DUSP22: variants seen among roughly 807,000 people sequenced by gnomAD.
The protein encoded by DUSP22 is dual specificity phosphatase 22, also known as dual specificity protein phosphatase 22.
DUSP22 carries 24 observed loss-of-function variants against 24.5 expected under a neutral mutation model. That is an observed-to-expected ratio of 0.98 (90% CI 0.71 to 1.38). The LOEUF is 1.38. Among genes scored for constraint, DUSP22 ranks in the 40% most tolerant of loss-of-function variants. The pLI is 0.00. For synonymous variants in DUSP22, 160 were observed against 106.4 expected, an observed-to-expected ratio of 1.50 and a Z score of -3.10; for missense variants, 330 against 269.2, an observed-to-expected ratio of 1.23 and a Z score of -1.58.
At chr6:345,047 T>A (rs1302794033) in intron 4 of DUSP22, among the ~76,000 whole-genome samples, 1 of 152,290 alleles carries the variant, frequency 6.6e-6, no homozygotes, top group Non-Finnish European at 1.5e-5. Context: ...AGGGATTTCT[T>A]ACAGAGAAAT....
intron 1 of DUSP22, among the ~76,000 whole-genome samples, chr6:292,887 GCTT>G (rs1367640092): frequency 6.6e-6 from 1 of 152,300 alleles, no homozygotes; most frequent in African/African-American, 2.4e-5. Flanking sequence ...AATGGATGTG[GCTT>G]CTTTTTTGCC....
intron 2 of DUSP22, among the ~76,000 whole-genome samples, chr6:310,918 C>T (rs143909732): frequency 6.6e-6 from 1 of 152,262 alleles, no homozygotes; most frequent in Non-Finnish European, 1.5e-5. Flanking sequence ...TAGATTAACA[C>T]TTTTGTTGCC....
chr6:329,688 G>A (rs996477250), intron 3 of DUSP22, among the ~76,000 whole-genome samples: 13 of 152,300 alleles, frequency 8.5e-5, no homozygotes, highest in South Asian at 6.2e-4. Context: ...TCCTGACCTC[G>A]TGGCTCACCT....
intron 3 of DUSP22, among the ~76,000 whole-genome samples, chr6:328,493 G>C (rs1758989669): frequency 6.6e-6 from 1 of 152,310 alleles, no homozygotes; most frequent in South Asian, 2.1e-4. Context: ...CCTGAAAGAA[G>C]TCACAGGTGT....
chr6:300,005 A>G (rs73717011), intron 1 of DUSP22, among the ~76,000 whole-genome samples: 317 of 152,286 alleles, frequency 2.1e-3, no homozygotes, highest in African/African-American at 7.0e-3. Context: ...GGGAGAACCA[A>G]TCGAGTTCAA....
At chr6:294,309 A>G (rs1407530593) in intron 1 of DUSP22, among the ~76,000 whole-genome samples, 11 of 152,280 alleles carry the variant, frequency 7.2e-5, no homozygotes, top group Admixed American at 5.2e-4. Flanking sequence ...TTCAACACTT[A>G]TTGATTATGT....
intron 3 of DUSP22, among the ~76,000 whole-genome samples, chr6:328,899 G>T (rs918352096): frequency 1.3e-5 from 2 of 152,288 alleles, no homozygotes; most frequent in Non-Finnish European, 2.9e-5. Context: ...ATAGGCATAC[G>T]TAAGTTTTTC....
In DUSP22 at chr6:304,284, G is replaced by A. The variant is rs557671567; in HGVS notation, c.22-344G>A. Among the ~76,000 whole-genome samples the A allele has an allele frequency of 1.6e-4, 25 of 152,414 alleles. No homozygotes were observed. In the South Asian group the frequency reaches 3.7e-3, roughly 23 times the overall value. On this transcript the variant is annotated intron_variant, in intron 1 of 6. Transcript: ENST00000419235. Reference sequence around the variant, plus strand: ...TGGGCACCGTGTGTGCAGTGGCCTCGTGCAGCAGAGTGCAGAGCTGCAGGG... The same window carrying A: ...TGGGCACCGTGTGTGCAGTGGCCTCATGCAGCAGAGTGCAGAGCTGCAGGG...
intron 3 of DUSP22, among the ~76,000 whole-genome samples, chr6:314,411 G>A (rs1486349864): frequency 6.6e-6 from 1 of 152,310 alleles, no homozygotes; most frequent in African/African-American, 2.4e-5. Flanking sequence ...CCCTGCTGCT[G>A]TGAAGCGACG....
At position 350,691 on chromosome 6, in the gene DUSP22, TA is replaced by T; in HGVS notation, c.*1742del. On this transcript the variant is annotated 3_prime_UTR_variant, in exon 7 of 7. Transcript: ENST00000419235. ...TTTCCTAAGCCAAAAATAAATACGT[TA>T]ACAGAAAAATGATTTAGGATATAGC... 1 of 1,577,338 alleles carries T rather than the reference TA, an allele frequency of 6.3e-7. No homozygotes were observed. Among genetic ancestry groups the T allele is most frequent in the Non-Finnish European group, 8.6e-7 (1 of 1,161,944 alleles).
intron 3 of DUSP22, among the ~76,000 whole-genome samples, chr6:315,153 GAAGAGTAGCT>G (rs1758286310): frequency 6.6e-6 from 1 of 152,306 alleles, no homozygotes; most frequent in Admixed American, 6.5e-5. Context: ...TACCTCTTCA[GAAGAGTAGCT>G]AAGGGGTAGA....
intron 1 of DUSP22, among the ~76,000 whole-genome samples, chr6:303,242 G>A (rs535778093): frequency 3.9e-5 from 6 of 152,422 alleles, no homozygotes; most frequent in East Asian, 1.9e-4. Context: ...CATTGTTCCC[G>A]TCTTTCAAGA....
At chr6:294,062 A>T (rs539216366) in intron 1 of DUSP22, among the ~76,000 whole-genome samples, 1 of 152,406 alleles carries the variant, frequency 6.6e-6, no homozygotes, top group South Asian at 2.1e-4. Flanking sequence ...CACCGTTTTC[A>T]GCATTTAATT....
At chr6:333,962 G>A (rs940053148) in intron 3 of DUSP22, among the ~76,000 whole-genome samples, 5 of 152,298 alleles carry the variant, frequency 3.3e-5, no homozygotes, top group African/African-American at 4.8e-5. Context: ...AGGTGTGGAA[G>A]GATTAGGGGC....
Position 350,266 on chromosome 6 carries a change from C to T in DUSP22, c.*1315C>T. 1 of 988,876 alleles carries T rather than the reference C, an allele frequency of 1.0e-6. No homozygotes were observed. The highest frequency in any genetic ancestry group is 1.2e-6 in the Non-Finnish European group (1 of 832,360). The allele number at this position is 988,876 out of a possible 1,614,324, so 61.3% of individuals were successfully genotyped here. ...TAATGCTTTCTGGTGGGTAAAATTC[C>T]ACATTCAGGCCACGAGAGCATCTAC... On this transcript the variant is annotated 3_prime_UTR_variant, in exon 7 of 7. Transcript: ENST00000419235.
At chr6:327,126 T>A (rs1758916522) in intron 3 of DUSP22, among the ~76,000 whole-genome samples, 1 of 152,302 alleles carries the variant, frequency 6.6e-6, no homozygotes, top group Non-Finnish European at 1.5e-5. Context: ...ACCCTGGGCT[T>A]CGCTGTTGGG....
chr6:348,420 C>T (rs1581196995), intron 6 of DUSP22, 146 bp downstream of exon 6: 9 of 1,330,356 alleles, frequency 6.8e-6, no homozygotes, highest in Non-Finnish European at 9.2e-6. Context: ...AGCTGCACCC[C>T]TTCAGAAGTC....
At position 348,769 on chromosome 6, in the gene DUSP22, T is replaced by C. The variant is rs756356092; in HGVS notation, c.436T>C (p.Tyr146His). Residue 146 changes from tyrosine to histidine, a missense_variant and splice_region_variant, in exon 7 of 7, where the codon TAT (tyrosine) becomes CAT (histidine). Physicochemically the swap from Tyr to His is moderately conservative, Grantham distance 83. Coordinates refer to ENST00000419235, the MANE Select transcript of DUSP22 (RefSeq NM_001286555.3). ...QEFEKHEVHQ[Y>H]RQWLKEEYGE... ...TCGGGTTTGTTTCCATCCTCTCCAG[T>C]ATCGGCAGTGGCTGAAGGAAGAATA... is the stretch of plus-strand genomic sequence containing the variant. The C allele has an allele frequency of 2.5e-6, 4 of 1,614,298 alleles. No homozygotes were observed. The South Asian group carries it at 4.4e-5, about 18-fold the overall frequency.
intron 3 of DUSP22, among the ~76,000 whole-genome samples, chr6:313,400 T>C (rs1758196199): frequency 1.3e-5 from 2 of 152,304 alleles, no homozygotes; most frequent in Non-Finnish European, 1.5e-5. Flanking sequence ...CCAGCCCTTA[T>C]CACTTGGGAA....
Sources: gnomAD v4.1 joint callset for allele counts (sites outside exome capture counted in the v4.1 genomes callset) on GRCh38, gnomAD v4.1.1 for gene constraint, MANE v1.5 for transcripts, NCBI Gene and HGNC (gene_info 2026-07-23, HGNC 2026-07-21) for gene names.